ADD1: variants seen among roughly 807,000 people sequenced by gnomAD.
ADD1 encodes alpha-adducin.
A neutral mutation model predicts 80.5 loss-of-function variants in ADD1; 24 were observed. The ratio of observed to expected loss-of-function variants is 0.30; its 90% CI spans 0.22 to 0.42. The LOEUF is 0.42. Ranked by LOEUF, ADD1 falls within the 10% of genes least tolerant of loss-of-function variation. The pLI is 1.00. For missense variants in ADD1, 948 were observed against 1,019.0 expected, an observed-to-expected ratio of 0.93 and a Z score of 0.95; for synonymous variants, 373 against 393.8, an observed-to-expected ratio of 0.95 and a Z score of 0.63.
chr4:2,875,547 G>A (rs1731142257), intron 1 of ADD1, among the ~76,000 whole-genome samples: 1 of 152,222 alleles, frequency 6.6e-6, no homozygotes, highest in African/African-American at 2.4e-5. Flanking sequence ...GATCTTGTCT[G>A]TGTGGAACAA....
chr4:2,898,593 A>AT (rs750859298), intron 8 of ADD1, 62 bp downstream of exon 8: 322 of 1,440,118 alleles, frequency 2.2e-4, no homozygotes, highest in Non-Finnish European at 2.7e-4. Context: ...GTTCACATAG[A>AT]TTTTTTTTTG....
chr4:2,852,135 C>CTCTTTTCTT (rs1727185464), intron 1 of ADD1, among the ~76,000 whole-genome samples: 1 of 132,886 alleles, frequency 7.5e-6, no homozygotes, highest in South Asian at 2.6e-4. Context: ...AGCACCCGGC[C>CTCTTTTCTT]TCTTTTCTTT....
At chr4:2,873,025 ACT>A (rs1480314290) in intron 1 of ADD1, among the ~76,000 whole-genome samples, 1 of 151,494 alleles carries the variant, frequency 6.6e-6, no homozygotes, top group Admixed American at 6.6e-5. Context: ...ACGGAGTCTT[ACT>A]CTGTTGTTCA....
intron 1 of ADD1, among the ~76,000 whole-genome samples, chr4:2,864,196 T>C (rs1220377271): frequency 6.6e-6 from 1 of 152,188 alleles, no homozygotes; most frequent in Non-Finnish European, 1.5e-5. Context: ...GCAGATTTCC[T>C]GAGTTCAGGA....
At chr4:2,894,775 A>C in intron 6 of ADD1, 44 bp downstream of exon 6, 1 of 1,556,954 alleles carries the variant, frequency 6.4e-7, no homozygotes, top group Non-Finnish European at 8.6e-7. Context: ...AAAGCTGCTG[A>C]GTGAAAGGCA....
intron 1 of ADD1, among the ~76,000 whole-genome samples, chr4:2,862,633 C>T (rs1425821047): frequency 6.6e-6 from 1 of 152,112 alleles, no homozygotes; most frequent in Non-Finnish European, 1.5e-5. Flanking sequence ...CTTAGCTGTC[C>T]CCTTCTCTGG....
intron 1 of ADD1, chr4:2,844,859 G>A (rs1725936514): frequency 6.6e-6 from 1 of 152,162 alleles, no homozygotes; most frequent in South Asian, 2.1e-4. Context: ...GATTTTTTGT[G>A]TGAAAAATTG....
chr4:2,926,078 C>T lies in ADD1; in HGVS notation c.2013C>T (p.His671=). ...KSPPDQPAVP[H]PPPSTPIKLE... The stretch of plus-strand genomic sequence containing the variant: ...CTCCAGACCAGCCTGCGGTCCCCCA[C>T]CCGCCTCCCAGCACTCCCATCAAGC... Residue 671 remains histidine (H), a synonymous_variant, in exon 15 of 16, where the codon CAC becomes CAT. Transcript: ENST00000683351. This position sits in a 1 kb window ranked among gnomAD's most constrained non-coding sequence, Gnocchi z 5.0. 1.2e-6 allele frequency: 2 copies of T among 1,614,184 alleles called. No individual in the cohort carries two copies. The highest frequency in any genetic ancestry group is 1.7e-6 in the Non-Finnish European group (2 of 1,180,026).
intron 5 of ADD1, 74 bp from the exon 6 acceptor site, chr4:2,894,508 C>CAA (rs898922221): frequency 0.028 from 30,341 of 1,074,332 alleles, 8 homozygotes; most frequent in East Asian, 0.059. Context: ...CAGACCCTAT[C>CAA]AAAAAAAAAA....
At chr4:2,856,185 C>T (rs1215974240) in intron 1 of ADD1, among the ~76,000 whole-genome samples, 1 of 152,170 alleles carries the variant, frequency 6.6e-6, no homozygotes. Context: ...AGCCACCACT[C>T]CCAACCTTCA....
chr4:2,857,252 C>G (rs1306601518), intron 1 of ADD1, among the ~76,000 whole-genome samples: 1 of 152,140 alleles, frequency 6.6e-6, no homozygotes, highest in African/African-American at 2.4e-5. Flanking sequence ...TCGCAAATTC[C>G]TCTTTGTATC....
chr4:2,864,249 C>T (rs1327601885), intron 1 of ADD1, among the ~76,000 whole-genome samples: 1 of 152,088 alleles, frequency 6.6e-6, no homozygotes, highest in East Asian at 1.9e-4. Context: ...CCCATCTCTA[C>T]TAAAATACAA....
chr4:2,911,513 C>G (rs970792802), intron 13 of ADD1, among the ~76,000 whole-genome samples: 1 of 147,460 alleles, frequency 6.8e-6, no homozygotes, highest in Non-Finnish European at 1.5e-5. Flanking sequence ...GTCGGGCTGT[C>G]TTGGCCCACT....
rs1251808952 is a variant in ADD1, at chr4:2,928,304, T to C, written c.2181T>C (p.His727=). Residue 727 remains histidine (H), a synonymous_variant, in exon 16 of 16, where the codon CAT becomes CAC. Transcript: ENST00000683351. ...TGTTAGAGAAGGAGGAGGAAGCCCA[T>C]AGACCCCCAAGCCCCACTGAGGCCC... ...FPMLEKEEEA[H]RPPSPTEAPT... 2 of 1,613,942 alleles carry C rather than the reference T, an allele frequency of 1.2e-6. No homozygotes were observed. Among genetic ancestry groups the C allele is most frequent in the East Asian group, 4.5e-5 (2 of 44,854 alleles).
At position 2,881,887 on chromosome 4, in the gene ADD1, T is replaced by C. The variant is rs753061853; in HGVS notation, c.196-11T>C. ...TAAATGGTATCTCAGTGTTTTAATATTTTTTATTAGGCTTTCTGTGAAGAA... is the reference window on the plus strand; with the variant it reads ...TAAATGGTATCTCAGTGTTTTAATACTTTTTATTAGGCTTTCTGTGAAGAA... On this transcript the variant is annotated splice_polypyrimidine_tract_variant and intron_variant, in intron 2 of 15. Coordinates refer to ENST00000683351, the MANE Select transcript of ADD1 (RefSeq NM_001354761.2). The C allele has an allele frequency of 5.0e-6, 8 of 1,590,226 alleles. No individual in the cohort carries two copies. The South Asian group carries it at 5.8e-5, about 11-fold the overall frequency.
Position 2,907,747 on chromosome 4 carries a change from C to G in ADD1, c.1511C>G (p.Thr504Ser). The change falls in exon 11 of 16, where the codon ACT (threonine) becomes AGT (serine). Residue 504 changes from threonine (T) to serine (S), a missense_variant. Coordinates refer to ENST00000683351, the MANE Select transcript of ADD1 (RefSeq NM_001354761.2). ...VPSCITNCLWTKEDGHRTSTS... is the reference protein window; with the variant it reads ...VPSCITNCLWSKEDGHRTSTS... ...CAACTGTTCTTGATATTACAGTGGA[C>G]TAAAGAGGATGGACATAGAACTTCC... 6.2e-7 allele frequency: 1 copy of G among 1,613,666 alleles called. No individual in the cohort carries two copies. The highest frequency in any genetic ancestry group is 8.5e-7 in the Non-Finnish European group (1 of 1,179,636).
At position 2,866,446 on chromosome 4, in the gene ADD1, G is replaced by A. The variant is rs369346786; in HGVS notation, c.-20-9450G>A. 3.0e-4 allele frequency among the ~76,000 whole-genome samples: 45 copies of A among 151,868 alleles called. No homozygotes were observed. In the East Asian group the frequency reaches 7.5e-3, roughly 25 times the overall value. Reference sequence around the variant, plus strand: ...CCGCCTTGGCCTCCCAGAGTGCTGGGATTACAGGCGTCAGCCTCTGTGCCT... The same window carrying A: ...CCGCCTTGGCCTCCCAGAGTGCTGGAATTACAGGCGTCAGCCTCTGTGCCT... On this transcript the variant is annotated intron_variant, in intron 1 of 15. Transcript: ENST00000683351.
chr4:2,886,023 G>T (rs1733310878), intron 4 of ADD1, among the ~76,000 whole-genome samples: 1 of 152,038 alleles, frequency 6.6e-6, no homozygotes, highest in African/African-American at 2.4e-5. Context: ...TTTGAAACTT[G>T]TTCCAGTCTT....
At chr4:2,916,056 G>T (rs1193645385) in intron 14 of ADD1, among the ~76,000 whole-genome samples, 1 of 152,154 alleles carries the variant, frequency 6.6e-6, no homozygotes, top group Non-Finnish European at 1.5e-5. Flanking sequence ...CTCTGGGCTG[G>T]AGGGCATTGG....
Sources: allele counts gnomAD v4.1 joint callset (sites outside exome capture counted in the v4.1 genomes callset), GRCh38; gene constraint gnomAD v4.1.1; non-coding constraint Gnocchi (gnomAD v3.1); transcripts MANE v1.5; gene names NCBI Gene and HGNC (gene_info 2026-07-23, HGNC 2026-07-21).